The following CWF19L2 variants were observed in gnomAD, a reference collection of about 807,000 sequenced individuals.
The protein encoded by CWF19L2 is CWF19-like protein 2.
CWF19L2 carries 98 observed loss-of-function variants against 111.7 expected under a neutral mutation model. That is an observed-to-expected ratio of 0.88 (90% CI 0.75 to 1.04). CWF19L2 has a LOEUF of 1.04. CWF19L2 is among the 50% of genes least tolerant of loss of function. The pLI, the probability that CWF19L2 is intolerant of heterozygous loss-of-function variation, is 0.00. For synonymous variants in CWF19L2, 351 were observed against 342.9 expected, an observed-to-expected ratio of 1.02 and a Z score of -0.26; for missense variants, 1,101 against 1,051.4, an observed-to-expected ratio of 1.05 and a Z score of -0.65.
intron 3 of CWF19L2, among the ~76,000 whole-genome samples, chr11:107,448,544 A>G (rs755319837): frequency 1.3e-5 from 2 of 152,138 alleles, no homozygotes; most frequent in Non-Finnish European, 2.9e-5. Flanking sequence ...AAAAAGCCTG[A>G]AAGTTTCATA....
chr11:107,374,834 TAAAG>T, intron 12 of CWF19L2, among the ~76,000 whole-genome samples: 1 of 151,752 alleles, frequency 6.6e-6, no homozygotes, highest in Non-Finnish European at 1.5e-5. Flanking sequence ...GCAAATTGGA[TAAAG>T]AGTCAAGAAC....
chr11:107,439,203 G>C lies in CWF19L2; in HGVS notation c.571-20C>G. The C allele has an allele frequency of 1.4e-6, 2 of 1,480,296 alleles. No individual in the cohort carries two copies. Among genetic ancestry groups the C allele is most frequent in the Non-Finnish European group, 1.9e-6 (2 of 1,080,068 alleles). The allele number at this position is 1,480,296 out of a possible 1,614,324, so 91.7% of individuals were successfully genotyped here. On this transcript the variant is annotated intron_variant, in intron 5 of 17. Coordinates refer to ENST00000282251, the MANE Select transcript of CWF19L2 (RefSeq NM_152434.3). ...TTTGGACTAGAACAAATTATTTTCAGAGGTGAAATTTCAAAAAATTAACAA... is the reference window on the plus strand; with the variant it reads ...TTTGGACTAGAACAAATTATTTTCACAGGTGAAATTTCAAAAAATTAACAA...
chr11:107,392,493 C>T (rs537151444), intron 11 of CWF19L2, among the ~76,000 whole-genome samples: 17 of 152,094 alleles, frequency 1.1e-4, no homozygotes, highest in Non-Finnish European at 1.9e-4. Flanking sequence ...AGCAAGTATG[C>T]CAAAAGCAGC....
chr11:107,436,362 C>T (rs11822482), intron 6 of CWF19L2, among the ~76,000 whole-genome samples: 5,581 of 152,004 alleles, frequency 0.037, 323 homozygotes, highest in African/African-American at 0.12. Context: ...CATATGCTTC[C>T]ATCATAACTC....
intron 13 of CWF19L2, among the ~76,000 whole-genome samples, chr11:107,352,817 A>C (rs928411888): frequency 6.6e-6 from 1 of 152,172 alleles, no homozygotes; most frequent in African/African-American, 2.4e-5. Context: ...AACAACATAA[A>C]TATGTACATG....
chr11:107,398,330 A>C (rs1860952841), intron 10 of CWF19L2, among the ~76,000 whole-genome samples: 1 of 152,182 alleles, frequency 6.6e-6, no homozygotes. Context: ...GATAGCTTAA[A>C]GAAAACACAA....
At chr11:107,384,050 G>GC (rs1178071267) in intron 12 of CWF19L2, among the ~76,000 whole-genome samples, 1 of 152,150 alleles carries the variant, frequency 6.6e-6, no homozygotes, top group Non-Finnish European at 1.5e-5. Context: ...TTCTTCATGT[G>GC]CCAGTGTGTC....
At chr11:107,428,619 T>C (rs1170024309) in intron 8 of CWF19L2, among the ~76,000 whole-genome samples, 180 bp downstream of exon 8, 3 of 151,356 alleles carry the variant, frequency 2.0e-5, no homozygotes, top group Admixed American at 6.6e-5. Flanking sequence ...AAAAAACCTA[T>C]GAAATAAAAT....
At chr11:107,407,840 T>A (rs1029704359) in intron 10 of CWF19L2, among the ~76,000 whole-genome samples, 1 of 151,864 alleles carries the variant, frequency 6.6e-6, no homozygotes, top group East Asian at 1.9e-4. Flanking sequence ...CATAACACAA[T>A]AAAAAAAATT....
intron 11 of CWF19L2, among the ~76,000 whole-genome samples, chr11:107,391,608 G>C (rs1451574526): frequency 6.6e-6 from 1 of 152,130 alleles, no homozygotes; most frequent in African/African-American, 2.4e-5. Flanking sequence ...CCTATCAGTT[G>C]GTTCCATACC....
intron 7 of CWF19L2, among the ~76,000 whole-genome samples, chr11:107,433,350 T>C (rs1009613056): frequency 1.7e-4 from 26 of 152,162 alleles, no homozygotes; most frequent in African/African-American, 6.3e-4. Context: ...TCCAGAAGTG[T>C]ACCATGCAGA....
At chr11:107,423,108 CTTGTT>C (rs897049717) in intron 8 of CWF19L2, among the ~76,000 whole-genome samples, 1 of 151,846 alleles carries the variant, frequency 6.6e-6, no homozygotes, top group Non-Finnish European at 1.5e-5. Context: ...TGAGTTATTG[CTTGTT>C]TTATTAGTTG....
intron 12 of CWF19L2, among the ~76,000 whole-genome samples, chr11:107,380,223 G>A (rs1027518638): frequency 6.6e-6 from 1 of 151,998 alleles, no homozygotes; most frequent in Non-Finnish European, 1.5e-5. Flanking sequence ...ATAGACTGCA[G>A]TCTAATTCTT....
At chr11:107,387,952 T>A (rs966256780) in intron 12 of CWF19L2, among the ~76,000 whole-genome samples, 1 of 152,276 alleles carries the variant, frequency 6.6e-6, no homozygotes, top group Non-Finnish European at 1.5e-5. Flanking sequence ...TCTCTTTCTC[T>A]TCCTCCCTCT....
intron 14 of CWF19L2, among the ~76,000 whole-genome samples, chr11:107,343,526 GT>G (rs1224649846): frequency 1.3e-5 from 2 of 151,980 alleles, no homozygotes; most frequent in Non-Finnish European, 2.9e-5. Context: ...ACAGCATATA[GT>G]TATGAAATCT....
At chr11:107,402,414 G>A (rs192765163) in intron 10 of CWF19L2, among the ~76,000 whole-genome samples, 63 of 151,292 alleles carry the variant, frequency 4.2e-4, no homozygotes, top group African/African-American at 1.5e-3. Flanking sequence ...CAAAAAGTGG[G>A]CTAAGGATAT....
chr11:107,359,251 G>A (rs1047223841), intron 12 of CWF19L2, among the ~76,000 whole-genome samples: 2 of 152,186 alleles, frequency 1.3e-5, no homozygotes, highest in Non-Finnish European at 2.9e-5. Flanking sequence ...AAGGGGCAGT[G>A]CTTTCTTCTT....
intron 1 of CWF19L2, 128 bp downstream of exon 1, chr11:107,457,584 G>A: frequency 1.5e-6 from 1 of 658,798 alleles, no homozygotes; most frequent in Admixed American, 2.8e-5. Flanking sequence ...ATTGCAAAGG[G>A]AGAACTCACC....
chr11:107,344,382 C>T (rs1489002561), intron 14 of CWF19L2, among the ~76,000 whole-genome samples: 2 of 152,184 alleles, frequency 1.3e-5, no homozygotes, highest in African/African-American at 4.8e-5. Context: ...TAAAGAACTT[C>T]CTTTAACTAT....
Sources: allele counts gnomAD v4.1 joint callset (sites outside exome capture counted in the v4.1 genomes callset), GRCh38; gene constraint gnomAD v4.1.1; transcripts MANE v1.5; gene names NCBI Gene and HGNC (gene_info 2026-07-23, HGNC 2026-07-21).